Variants in SUPT3H observed in about 807,000 individuals in gnomAD.
SUPT3H encodes transcription initiation protein SPT3 homolog.
In SUPT3H, 44 loss-of-function variants were observed where a neutral mutation model predicts 44.3. That is an observed-to-expected ratio of 0.99 (90% CI 0.78 to 1.28). SUPT3H has a LOEUF of 1.28. Ranked by LOEUF, SUPT3H falls within the 50% of genes most tolerant of loss-of-function variation. SUPT3H has a pLI of 0.00. For missense variants in SUPT3H, 380 were observed against 387.1 expected (o/e 0.98, Z 0.15); for synonymous variants, 124 against 125.6 (o/e 0.99, Z 0.09).
intron 2 of SUPT3H, among the ~76,000 whole-genome samples, chr6:45,263,797 G>T (rs1774802216): frequency 6.6e-6 from 1 of 152,052 alleles, no homozygotes; most frequent in Non-Finnish European, 1.5e-5. Flanking sequence ...CCAAAAATGT[G>T]CTTTTTCTTG....
intron 2 of SUPT3H, among the ~76,000 whole-genome samples, chr6:45,176,961 G>C (rs150914778): frequency 0.02 from 3,098 of 152,246 alleles, 42 homozygotes; most frequent in Non-Finnish European, 0.032. Flanking sequence ...AAACCACAAA[G>C]ATGGGGAAAA....
chr6:45,161,372 T>A (rs1017264818), intron 2 of SUPT3H, among the ~76,000 whole-genome samples: 111 of 152,132 alleles, frequency 7.3e-4, no homozygotes, highest in African/African-American at 2.5e-3. Flanking sequence ...CATTATAAAC[T>A]TTCAATTGAC....
chr6:45,375,120 T>C lies in SUPT3H; in HGVS notation c.-1+2648A>G, dbSNP rs1335011380. On this transcript the variant is annotated intron_variant, in intron 1 of 10. Coordinates refer to ENST00000371459, the MANE Select transcript of SUPT3H (RefSeq NM_003599.4). ...TACTCGGGAGGCTGAGGCAGGAGAA[T>C]CGCTTGAACCCAGGAGGGGGAGGTT... is the stretch of plus-strand genomic sequence containing the variant. Among the ~76,000 whole-genome samples the C allele has an allele frequency of 3.3e-5, 5 of 152,286 alleles. No homozygotes were observed. In the East Asian group the frequency reaches 9.7e-4, roughly 29 times the overall value.
At chr6:45,127,702 C>T (rs368042354) in intron 2 of SUPT3H, among the ~76,000 whole-genome samples, 124 of 152,212 alleles carry the variant, frequency 8.1e-4, no homozygotes, top group African/African-American at 2.9e-3. Context: ...TTTTCTATCT[C>T]GCTGATTTCT....
intron 2 of SUPT3H, among the ~76,000 whole-genome samples, chr6:45,176,124 C>G (rs1562613213): frequency 6.6e-6 from 1 of 151,874 alleles, no homozygotes; most frequent in Non-Finnish European, 1.5e-5. Flanking sequence ...GCGTGAGCGA[C>G]GCAGAAGACG....
intron 9 of SUPT3H, among the ~76,000 whole-genome samples, chr6:44,948,159 ATC>A (rs1286277310): frequency 6.6e-6 from 1 of 152,178 alleles, no homozygotes; most frequent in Non-Finnish European, 1.5e-5. Context: ...ATTGGTGTAT[ATC>A]TCTGTTTTGG....
At chr6:45,072,964 C>A (rs1286705634) in intron 3 of SUPT3H, among the ~76,000 whole-genome samples, 2 of 152,022 alleles carry the variant, frequency 1.3e-5, no homozygotes, top group East Asian at 3.8e-4. Context: ...AGCCACGAAA[C>A]AATAGTATCA....
intron 2 of SUPT3H, among the ~76,000 whole-genome samples, chr6:45,218,995 A>C (rs1765548418): frequency 6.6e-6 from 1 of 152,186 alleles, no homozygotes; most frequent in South Asian, 2.1e-4. Context: ...CTCTAAGCAC[A>C]CTTCTAAATA....
intron 2 of SUPT3H, among the ~76,000 whole-genome samples, chr6:45,357,419 C>G (rs572620649): frequency 6.6e-6 from 1 of 151,892 alleles, no homozygotes; most frequent in African/African-American, 2.4e-5. Flanking sequence ...CAGCCGTAAC[C>G]TCCTAGGTGC....
chr6:45,121,642 A>G (rs575038291), intron 2 of SUPT3H, among the ~76,000 whole-genome samples: 2 of 151,944 alleles, frequency 1.3e-5, no homozygotes, highest in South Asian at 4.2e-4. Flanking sequence ...CACATAACTC[A>G]TTTCTACTTA....
intron 10 of SUPT3H, among the ~76,000 whole-genome samples, chr6:44,905,272 C>G (rs1236625850): frequency 1.3e-5 from 2 of 152,212 alleles, no homozygotes; most frequent in Non-Finnish European, 2.9e-5. Flanking sequence ...ATCTACTCAT[C>G]TGACAAAAGG....
At chr6:44,915,938 G>C (rs1447091426) in intron 10 of SUPT3H, among the ~76,000 whole-genome samples, 3 of 152,044 alleles carry the variant, frequency 2.0e-5, no homozygotes, top group African/African-American at 7.2e-5. Context: ...CTGCATCATG[G>C]GCCGTGGTTA....
At chr6:44,877,787 G>T (rs559873083) in intron 10 of SUPT3H, among the ~76,000 whole-genome samples, 4 of 152,118 alleles carry the variant, frequency 2.6e-5, no homozygotes, top group Middle Eastern at 3.4e-3. Context: ...TGTTTTCATA[G>T]AATTCCATTA....
chr6:45,303,099 A>G (rs1159685804), intron 2 of SUPT3H, among the ~76,000 whole-genome samples: 1 of 152,182 alleles, frequency 6.6e-6, no homozygotes, highest in African/African-American at 2.4e-5. Context: ...CTTATCTCTC[A>G]CCTTATACAA....
intron 2 of SUPT3H, among the ~76,000 whole-genome samples, chr6:45,344,173 TTAG>T (rs1392327557): frequency 5.3e-5 from 8 of 152,192 alleles, no homozygotes; most frequent in Non-Finnish European, 1.0e-4. Context: ...CACTAAATAC[TTAG>T]TAGTATACAA....
chr6:45,135,259 G>C (rs1583752157), intron 2 of SUPT3H, among the ~76,000 whole-genome samples: 1 of 152,138 alleles, frequency 6.6e-6, no homozygotes, highest in East Asian at 1.9e-4. Flanking sequence ...TCTTCCCATT[G>C]TTTTAACGAA....
intron 11 of SUPT3H, among the ~76,000 whole-genome samples, chr6:44,814,325 T>G (rs1041259489): frequency 1.3e-5 from 2 of 152,212 alleles, no homozygotes; most frequent in African/African-American, 4.8e-5. Context: ...ATATGTTCAC[T>G]GCTTGAACCC....
chr6:45,096,867 C>T (rs1392131555), intron 3 of SUPT3H, among the ~76,000 whole-genome samples: 1 of 152,018 alleles, frequency 6.6e-6, no homozygotes, highest in Non-Finnish European at 1.5e-5. Context: ...GCTTCACCTA[C>T]TTCGAGGTGC....
In SUPT3H at chr6:45,239,249, G is replaced by T. The variant is rs145107742; in HGVS notation, c.101+125952C>A. 5.7e-3 allele frequency among the ~76,000 whole-genome samples: 870 copies of T among 152,342 alleles called. 7 individuals carry two copies. Among genetic ancestry groups the T allele is most frequent in the Middle Eastern group, 0.01 (3 of 294 alleles). On this transcript the variant is annotated intron_variant, in intron 2 of 10. Transcript: ENST00000371459. Reference sequence around the variant, plus strand: ...ACCCAACTGCAAACAGCAGTTAGGAGTAGAATGCACCCTTTTTACGTTACT... The same window carrying T: ...ACCCAACTGCAAACAGCAGTTAGGATTAGAATGCACCCTTTTTACGTTACT...
Sources: allele counts gnomAD v4.1 joint callset (sites outside exome capture counted in the v4.1 genomes callset), GRCh38; gene constraint gnomAD v4.1.1; transcripts MANE v1.5; gene names NCBI Gene and HGNC (gene_info 2026-07-23, HGNC 2026-07-21).